MYCBP2: variants seen among roughly 807,000 people sequenced by gnomAD.
MYCBP2 encodes MYC binding protein 2, also known as E3 ubiquitin-protein ligase MYCBP2.
In MYCBP2, 120 loss-of-function variants were observed where a neutral mutation model predicts 525.3. That is an observed-to-expected ratio of 0.23 (90% confidence interval 0.20 to 0.27). The LOEUF is 0.27. Ranked by LOEUF, MYCBP2 falls within the 10% of genes least tolerant of loss-of-function variation. The pLI is 1.00. For synonymous variants in MYCBP2, 1,894 were observed against 1,955.8 expected (o/e 0.97, Z 0.83); for missense variants, 4,149 against 5,657.1 (o/e 0.73, Z 8.55).
At chr13:77,063,445 GCT>G (rs2039659281) in intron 73 of MYCBP2, among the ~76,000 whole-genome samples, 1 of 151,332 alleles carries the variant, frequency 6.6e-6, no homozygotes. Context: ...TGTAATCCGA[GCT>G]ACTTGGGAGG....
chr13:77,084,043 T>G (rs1198846030), intron 62 of MYCBP2, among the ~76,000 whole-genome samples: 1 of 152,210 alleles, frequency 6.6e-6, no homozygotes, highest in Non-Finnish European at 1.5e-5. Context: ...AGTATTCTGA[T>G]GAATAAAAAT....
chr13:77,241,201 G>T (rs953524855), intron 17 of MYCBP2, among the ~76,000 whole-genome samples: 1 of 151,984 alleles, frequency 6.6e-6, no homozygotes, highest in Admixed American at 6.6e-5. Flanking sequence ...AGAATATTCT[G>T]CAATCACCAA....
intron 4 of MYCBP2, among the ~76,000 whole-genome samples, chr13:77,278,069 T>C (rs1594591197): frequency 6.6e-6 from 1 of 152,184 alleles, no homozygotes; most frequent in East Asian, 1.9e-4. Flanking sequence ...TTAATGAAAG[T>C]TGCTAAGTCA....
intron 47 of MYCBP2, among the ~76,000 whole-genome samples, chr13:77,147,814 C>T (rs1351407169): frequency 2.0e-5 from 3 of 152,066 alleles, no homozygotes; most frequent in East Asian, 1.9e-4. Context: ...CCATCCTCTA[C>T]AATACTTGGC....
At chr13:77,182,934 C>T (rs184939770) in intron 32 of MYCBP2, among the ~76,000 whole-genome samples, 12 of 152,196 alleles carry the variant, frequency 7.9e-5, no homozygotes, top group African/African-American at 2.9e-4. Context: ...TAGGAGTTTC[C>T]TTATATCCTA....
chr13:77,262,113 C>T lies in MYCBP2; in HGVS notation c.1587G>A (p.Glu529=). 1 of 1,610,160 alleles carries T rather than the reference C, an allele frequency of 6.2e-7. No homozygotes were observed. Among genetic ancestry groups the T allele is most frequent in the African/African-American group, 1.3e-5 (1 of 74,934 alleles). Residue 529 remains glutamate (E), a synonymous_variant, in exon 11 of 83, where the codon GAG becomes GAA. Transcript: ENST00000544440. ...GTCCTGCACCAAGAATTGCTGACTCCTCATCAAATCCTGTACCTGAAATAC... is the reference window on the plus strand; with the variant it reads ...GTCCTGCACCAAGAATTGCTGACTCTTCATCAAATCCTGTACCTGAAATAC... ...DLHIISTGFD[E]ESAILGAGRE...
At chr13:77,088,491 G>A (rs943217223) in intron 61 of MYCBP2, among the ~76,000 whole-genome samples, 5 of 151,976 alleles carry the variant, frequency 3.3e-5, no homozygotes, top group African/African-American at 1.2e-4. Flanking sequence ...CCACTCAAAA[G>A]CCCTACTCCT....
chr13:77,052,009 G>C (rs936945670), intron 80 of MYCBP2, 91 bp from the exon 81 acceptor site: 5 of 978,778 alleles, frequency 5.1e-6, no homozygotes, highest in Non-Finnish European at 4.7e-6. Flanking sequence ...TAAGATCTAG[G>C]GGTTTTAGAA....
At chr13:77,306,275 G>A (rs781568321) in intron 1 of MYCBP2, among the ~76,000 whole-genome samples, 1 of 152,144 alleles carries the variant, frequency 6.6e-6, no homozygotes, top group Non-Finnish European at 1.5e-5. Flanking sequence ...TTAATGTAAT[G>A]ATACTCCTAT....
chr13:77,260,381 A>G (rs777168647), intron 13 of MYCBP2, 47 bp downstream of exon 13: 2 of 1,341,016 alleles, frequency 1.5e-6, no homozygotes, highest in Non-Finnish European at 2.0e-6. Flanking sequence ...ATACATAACT[A>G]GTATTGAAAC....
chr13:77,296,561 A>G, intron 2 of MYCBP2, 38 bp downstream of exon 2: 1 of 1,537,858 alleles, frequency 6.5e-7, no homozygotes. Context: ...TCACCATATG[A>G]AAAAGTCCTA....
At chr13:77,155,258 G>A (rs968964799) in intron 46 of MYCBP2, among the ~76,000 whole-genome samples, 1 of 152,062 alleles carries the variant, frequency 6.6e-6, no homozygotes, top group African/African-American at 2.4e-5. Context: ...ATGAAAGAAT[G>A]CATGAAGTAG....
intron 1 of MYCBP2, among the ~76,000 whole-genome samples, chr13:77,313,753 T>TC (rs2080563145): frequency 6.6e-6 from 1 of 152,000 alleles, no homozygotes; most frequent in African/African-American, 2.4e-5. Flanking sequence ...AGAACTTTTT[T>TC]CCCCATCTCC....
chr13:77,091,724 A>T (rs1269901777), intron 59 of MYCBP2, among the ~76,000 whole-genome samples: 1 of 151,904 alleles, frequency 6.6e-6, no homozygotes, highest in Non-Finnish European at 1.5e-5. Flanking sequence ...TTATTCATCA[A>T]CTTTTTTTTT....
At chr13:77,192,282 T>C (rs1212243297) in intron 27 of MYCBP2, among the ~76,000 whole-genome samples, 1 of 152,230 alleles carries the variant, frequency 6.6e-6, no homozygotes, top group Non-Finnish European at 1.5e-5. Flanking sequence ...AGTTACTCTA[T>C]CCTCTCAGTA....
intron 15 of MYCBP2, among the ~76,000 whole-genome samples, chr13:77,245,431 A>G (rs2069687698): frequency 6.6e-6 from 1 of 152,232 alleles, no homozygotes; most frequent in Non-Finnish European, 1.5e-5. Context: ...AGCCATAAAA[A>G]AGAATGAGTT....
chr13:77,278,928 A>AT lies in MYCBP2; in HGVS notation c.595-18_595-17insA. ...CTCAATAATCTATTTAAAAGGAAAA[A>AT]ATATATATACTTTATGACATGTAAG... is the stretch of plus-strand genomic sequence containing the variant. On this transcript the variant is annotated splice_polypyrimidine_tract_variant and intron_variant, in intron 3 of 82. Transcript: ENST00000544440. 6.5e-7 allele frequency: 1 copy of AT among 1,537,628 alleles called. No homozygotes were observed. Among genetic ancestry groups the AT allele is most frequent in the Non-Finnish European group, 8.7e-7 (1 of 1,143,098 alleles).
intron 4 of MYCBP2, among the ~76,000 whole-genome samples, chr13:77,278,363 A>G (rs2075844703): frequency 6.6e-6 from 1 of 152,188 alleles, no homozygotes; most frequent in African/African-American, 2.4e-5. Flanking sequence ...CATCATACTA[A>G]TTGAGAAATG....
chr13:77,263,622 T>A, intron 10 of MYCBP2, 29 bp downstream of exon 10: 1 of 1,582,978 alleles, frequency 6.3e-7, no homozygotes, highest in African/African-American at 1.4e-5. Flanking sequence ...AATTAAAATA[T>A]AGGGAAAACA....
Sources: allele counts gnomAD v4.1 joint callset (sites outside exome capture counted in the v4.1 genomes callset), GRCh38; gene constraint gnomAD v4.1.1; transcripts MANE v1.5; gene names NCBI Gene and HGNC (gene_info 2026-07-23, HGNC 2026-07-21).